The following AGAP9 variants were observed in gnomAD, a reference collection of about 807,000 sequenced individuals.
AGAP9 encodes the protein arf-GAP with GTPase, ANK repeat and PH domain-containing protein 9.
In AGAP9, 23 loss-of-function variants were observed where a neutral mutation model predicts 55.6. That is an observed-to-expected ratio of 0.41 (90% CI 0.30 to 0.59). AGAP9 has a LOEUF of 0.59. Ranked by LOEUF, AGAP9 falls within the 20% of genes least tolerant of loss-of-function variation. AGAP9 has a pLI of 0.25. For synonymous variants in AGAP9, 120 were observed against 305.0 expected, an observed-to-expected ratio of 0.39 and a Z score of 6.32; for missense variants, 309 against 808.1, an observed-to-expected ratio of 0.38 and a Z score of 7.49.
intron 4 of AGAP9, among the ~76,000 whole-genome samples, chr10:47,510,653 AC>A (rs1249171677): frequency 8.4e-6 from 1 of 118,506 alleles, no homozygotes; most frequent in East Asian, 4.1e-4. Context: ...ACATGGTGAA[AC>A]CCCGTCTCTA....
chr10:47,516,732 T>C lies in AGAP9; in HGVS notation c.396+1091A>G, dbSNP rs1217227207. On this transcript the variant is annotated intron_variant, in intron 4 of 7. Coordinates refer to ENST00000452145, the MANE Select transcript of AGAP9 (RefSeq NM_001190810.1). The stretch of plus-strand genomic sequence containing the variant: ...CCACACACACATAAAAAGGAACAGA[T>C]GTGTTTTTGCAGATGGAAAATATCT... Among the ~76,000 whole-genome samples, 3 of 132,900 alleles carry C rather than the reference T, an allele frequency of 2.3e-5. 1 individual carries two copies. Among genetic ancestry groups the C allele is most frequent in the Non-Finnish European group, 4.6e-5 (3 of 64,648 alleles). The allele number at this position is 132,900 out of a possible 152,430, so 87.2% of individuals were successfully genotyped here.
At chr10:47,517,335 C>T (rs1392124107) in intron 4 of AGAP9, among the ~76,000 whole-genome samples, 5 of 82,272 alleles carry the variant, frequency 6.1e-5, no homozygotes, top group African/African-American at 3.0e-4. Context: ...TGCAATGGCA[C>T]GATCTTGGCT....
At chr10:47,514,271 G>C (rs1724698886) in intron 4 of AGAP9, among the ~76,000 whole-genome samples, 2 of 150,252 alleles carry the variant, frequency 1.3e-5, no homozygotes, top group East Asian at 3.9e-4. Context: ...TATATATGAG[G>C]AATACCACCT....
In AGAP9 at chr10:47,511,046, C is replaced by T. The variant is rs1405830988; in HGVS notation, c.397-775G>A. ...GCAAGCTCCGCCTCCCGGGTTCACG[C>T]CATTCTCCTGACTCAGCCTCCTGAG... is the stretch of plus-strand genomic sequence containing the variant. On this transcript the variant is annotated intron_variant, in intron 4 of 7. Transcript: ENST00000452145. Among the ~76,000 whole-genome samples the T allele has an allele frequency of 1.0e-4, 13 of 126,248 alleles. 2 individuals are homozygous for T. The highest frequency in any genetic ancestry group is 1.8e-4 in the Non-Finnish European group (11 of 62,040). 82.8% of individuals were successfully genotyped at this position (126,248 alleles called of 152,430 possible). A position where few individuals can be genotyped will look rare whatever the true frequency, so the allele number is the denominator to read the frequency against.
At position 47,502,431 on chromosome 10, in the gene AGAP9, C is replaced by A. The variant is rs1320404702; in HGVS notation, c.1698G>T (p.Trp566Cys). Residue 566 changes from tryptophan to cysteine, a missense_variant, in exon 8 of 8, where the codon TGG becomes TGT. Physicochemically the swap from Trp to Cys is radical, Grantham distance 215. Coordinates refer to ENST00000452145, the MANE Select transcript of AGAP9 (RefSeq NM_001190810.1). ...GCTTCTCCTCATATTTGGAACGGAT[C>A]CACCATTCCTTCTCTTCCCTCGTGG... ...IKSTREEKEWWIRSKYEEKLF... is the reference protein window; with the variant it reads ...IKSTREEKEWCIRSKYEEKLF... 11 of 1,611,264 alleles carry A rather than the reference C, an allele frequency of 6.8e-6. No homozygotes were observed. The highest frequency in any genetic ancestry group is 9.3e-6 in the Non-Finnish European group (11 of 1,179,832).
rs1588944820 is a variant in AGAP9 at position 47,502,134 on chromosome 10, A to G, written c.*18T>C. The G allele has an allele frequency of 6.4e-7, 1 of 1,572,206 alleles. No homozygotes were observed. The highest frequency in any genetic ancestry group is 8.6e-7 in the Non-Finnish European group (1 of 1,156,622). On this transcript the variant is annotated 3_prime_UTR_variant, in exon 8 of 8. Transcript: ENST00000452145. ...AGCACGTTGATGCACTCCTGGCTGG[A>G]GGCCTGCCGGGCGTAGGTCAGCGCT...
rs1840382527 is a variant in AGAP9, at chr10:47,502,802, G to C, written c.1327C>G (p.Leu443Val). The change falls in exon 8 of 8, where the codon CTG becomes GTG. Residue 443 changes from leucine (L) to valine (V), a missense_variant. By Grantham distance (32) the Leu-to-Val change is conservative. Coordinates refer to ENST00000452145, the MANE Select transcript of AGAP9 (RefSeq NM_001190810.1). ...CTCTTGCATGACTGCAGGCTGGCCA[G>C]GATCTGGCTCTGGATGGCTTGGACC... The part of the protein sequence containing the change: ...AWVQAIQSQI[L>V]ASLQSCKSSK... 5.0e-6 allele frequency: 8 copies of C among 1,587,924 alleles called. No homozygotes were observed. In the Admixed American group the frequency reaches 6.9e-5, roughly 14 times the overall value.
In AGAP9 at chr10:47,502,525, A is replaced by G; in HGVS notation, c.1604T>C (p.Ile535Thr). 1 of 1,613,014 alleles carries G rather than the reference A, an allele frequency of 6.2e-7. No individual in the cohort carries two copies. The highest frequency in any genetic ancestry group is 8.5e-7 in the Non-Finnish European group (1 of 1,179,930). ...PVELRKVMSS[I>T]GNELANSIWE... ...GATGCTGTTGGCTAGCTCATTGCCAATAGATGACATAACCTTCCTGAGCTC... is the reference window on the plus strand; with the variant it reads ...GATGCTGTTGGCTAGCTCATTGCCAGTAGATGACATAACCTTCCTGAGCTC... Residue 535 changes from isoleucine (I) to threonine (T), a missense_variant, in exon 8 of 8, where the codon ATT becomes ACT. Ile to Thr is a moderately conservative substitution (Grantham distance 89). Transcript: ENST00000452145.
intron 6 of AGAP9, among the ~76,000 whole-genome samples, chr10:47,504,846 CTTTTTTTTT>C (rs59529030): frequency 9.2e-4 from 43 of 46,828 alleles, no homozygotes; most frequent in Middle Eastern, 0.014. Flanking sequence ...CATAACTGTT[CTTTTTTTTT>C]TTTTTTTTTT....
rs1353153610 is a variant in AGAP9, at chr10:47,511,372, G to A, written c.397-1101C>T. Among the ~76,000 whole-genome samples the A allele has an allele frequency of 7.1e-5, 10 of 141,168 alleles. 4 individuals carry two copies. In the East Asian group the frequency reaches 2.8e-3, roughly 40 times the overall value. 92.6% of individuals were successfully genotyped at this position (141,168 alleles called of 152,430 possible). A position where few individuals can be genotyped will look rare whatever the true frequency, so the allele number is the denominator to read the frequency against. On this transcript the variant is annotated intron_variant, in intron 4 of 7. Coordinates refer to ENST00000452145, the MANE Select transcript of AGAP9 (RefSeq NM_001190810.1). ...TAATCCTAAACGTATTATTTCAGGT[G>A]ATATTGTTACAAAAGAAGTGTTTCA...
intron 4 of AGAP9, among the ~76,000 whole-genome samples, chr10:47,515,965 T>G (rs1840708943): frequency 7.7e-6 from 1 of 129,612 alleles, no homozygotes; most frequent in Non-Finnish European, 1.6e-5. Context: ...AAAAAAGGAA[T>G]TGATAGGACC....
chr10:47,509,240 T>G (rs1840548340), intron 5 of AGAP9, among the ~76,000 whole-genome samples: 1 of 114,450 alleles, frequency 8.7e-6, no homozygotes, highest in African/African-American at 3.8e-5. Flanking sequence ...TCAAAGTAAT[T>G]TTTGTGTATG....
chr10:47,519,695 T>TA (rs1840787220), intron 3 of AGAP9, among the ~76,000 whole-genome samples: 1 of 21,952 alleles, frequency 4.6e-5, no homozygotes, highest in Non-Finnish European at 8.0e-5. Flanking sequence ...TATAGTAATG[T>TA]AAAAAATGAA....
At chr10:47,522,029 C>T (rs3006326) in intron 2 of AGAP9, among the ~76,000 whole-genome samples, 4 of 150,610 alleles carry the variant, frequency 2.7e-5, no homozygotes, top group South Asian at 2.1e-4. Context: ...TCAGGTGATC[C>T]GCCTGCCACA....
chr10:47,502,266 C>T lies in AGAP9; in HGVS notation c.1863G>A (p.Glu621=). The T allele has an allele frequency of 6.3e-7, 1 of 1,598,054 alleles. No homozygotes were observed. Among genetic ancestry groups the T allele is most frequent in the Non-Finnish European group, 8.5e-7 (1 of 1,175,926 alleles). Residue 621 remains glutamate, a synonymous_variant, in exon 8 of 8, where the codon GAG becomes GAA. Coordinates refer to ENST00000452145, the MANE Select transcript of AGAP9 (RefSeq NM_001190810.1). The part of the protein sequence containing the change: ...SREEVNETCG[E]GDGCTALHLA... ...GATGGAGTGCCGTGCAGCCGTCTCC[C>T]TCCCCACAGGTCTCGTTCACCTCCT... is the stretch of plus-strand genomic sequence containing the variant.
At position 47,507,990 on chromosome 10, in the gene AGAP9, G is replaced by A. The variant is rs1313682242; in HGVS notation, c.498-407C>T. Among the ~76,000 whole-genome samples the A allele has an allele frequency of 7.7e-5, 9 of 116,372 alleles. 2 individuals carry two copies. Among genetic ancestry groups the A allele is most frequent in the Middle Eastern group, 8.7e-3 (2 of 230 alleles). 76.3% of individuals were successfully genotyped at this position (116,372 alleles called of 152,430 possible). ...ACTCCTCACAACCTCCACCACCCAG[G>A]TTCAAGCGATTCTCACGCCTCAGCC... On this transcript the variant is annotated intron_variant, in intron 5 of 7. Coordinates refer to ENST00000452145, the MANE Select transcript of AGAP9 (RefSeq NM_001190810.1).
intron 2 of AGAP9, 26 bp from the exon 3 acceptor site, chr10:47,520,593 A>T: frequency 1.3e-6 from 2 of 1,500,254 alleles, no homozygotes; most frequent in Non-Finnish European, 1.8e-6. Flanking sequence ...AAGAAAAGAA[A>T]AAGAGATGCA....
rs1266919448 is a variant in AGAP9 at position 47,502,351 on chromosome 10, C to T, written c.1778G>A (p.Arg593Gln). The change falls in exon 8 of 8, where the codon CGG (arginine) becomes CAG (glutamine). Residue 593 changes from arginine to glutamine, a missense_variant. Transcript: ENST00000452145. Reference protein sequence around the residue: ...TELSLGQQLLRATTDEDLQTA... With the variant: ...TELSLGQQLLQATTDEDLQTA... ...CTGCAGGTCCTCATCAGTGGTGGCCCGCAGCAGCTGCTGGCCCAGGGACAG... is the reference window on the plus strand; with the variant it reads ...CTGCAGGTCCTCATCAGTGGTGGCCTGCAGCAGCTGCTGGCCCAGGGACAG... 37 of 1,607,250 alleles carry T rather than the reference C, an allele frequency of 2.3e-5. No individual in the cohort carries two copies. Among genetic ancestry groups the T allele is most frequent in the African/African-American group, 1.2e-4 (9 of 73,650 alleles).
chr10:47,517,235 T>C (rs1840734835), intron 4 of AGAP9, among the ~76,000 whole-genome samples: 1 of 111,880 alleles, frequency 8.9e-6, no homozygotes, highest in Non-Finnish European at 1.8e-5. Context: ...ATTTTTGTTC[T>C]TTCATTAAAA....
Sources: gnomAD v4.1 joint callset for allele counts (sites outside exome capture counted in the v4.1 genomes callset) on GRCh38, gnomAD v4.1.1 for gene constraint, MANE v1.5 for transcripts, NCBI Gene and HGNC (gene_info 2026-07-23, HGNC 2026-07-21) for gene names.